Variants in TBC1D8 observed in about 807,000 individuals in gnomAD.
The protein encoded by TBC1D8 is TBC1 domain family member 8.
A neutral mutation model predicts 118.8 loss-of-function variants in TBC1D8; 65 were observed. The ratio of observed to expected loss-of-function variants is 0.55; its 90% CI spans 0.45 to 0.67. The LOEUF is 0.67. Ranked by LOEUF, TBC1D8 falls within the 30% of genes least tolerant of loss-of-function variation. The pLI, the probability that TBC1D8 is intolerant of heterozygous loss-of-function variation, is 0.00. For missense variants in TBC1D8, 1,376 were observed against 1,471.2 expected (o/e 0.94, Z 1.06); for synonymous variants, 566 against 595.8 (o/e 0.95, Z 0.73).
chr2:101,065,217 T>C (rs1057220987), intron 2 of TBC1D8, among the ~76,000 whole-genome samples: 32 of 152,232 alleles, frequency 2.1e-4, no homozygotes, highest in African/African-American at 7.2e-4. Context: ...TCCAGCCACC[T>C]AAGTCCTAAT....
At chr2:101,113,446 C>A (rs1677692019) in intron 1 of TBC1D8, among the ~76,000 whole-genome samples, 1 of 152,042 alleles carries the variant, frequency 6.6e-6, no homozygotes, top group Admixed American at 6.6e-5. Context: ...ACTAAGATTT[C>A]TTGTTTCATG....
intron 17 of TBC1D8, among the ~76,000 whole-genome samples, chr2:101,015,103 TATA>T: frequency 6.6e-6 from 1 of 152,342 alleles, no homozygotes; most frequent in South Asian, 2.1e-4. Context: ...ACACCTCGCC[TATA>T]AAGTCTGTTG....
At chr2:101,037,184 A>C (rs1159106703) in intron 8 of TBC1D8, among the ~76,000 whole-genome samples, 1 of 151,390 alleles carries the variant, frequency 6.6e-6, no homozygotes, top group African/African-American at 2.4e-5. Flanking sequence ...CCCAGAAGAC[A>C]AAAAAAAAGG....
At position 101,021,763 on chromosome 2, in the gene TBC1D8, AAG is replaced by A. The variant is rs1264053969; in HGVS notation, c.2762-19_2762-18del. On this transcript the variant is annotated intron_variant, in intron 16 of 19. Coordinates refer to ENST00000409318, the MANE Select transcript of TBC1D8 (RefSeq NM_001330348.2). ...ACATAATATCTGCAAAAAGTTTAAA[AAG>A]AGTGAGTTGATGCCAATGCTGAAAG... 2 of 1,479,308 alleles carry A rather than the reference AAG, an allele frequency of 1.4e-6. No individual in the cohort carries two copies. Among genetic ancestry groups the A allele is most frequent in the Non-Finnish European group, 1.9e-6 (2 of 1,075,552 alleles). 91.6% of individuals were successfully genotyped at this position (1,479,308 alleles called of 1,614,324 possible).
At chr2:101,106,602 C>A (rs1677233312) in intron 1 of TBC1D8, among the ~76,000 whole-genome samples, 1 of 152,240 alleles carries the variant, frequency 6.6e-6, no homozygotes, top group Non-Finnish European at 1.5e-5. Flanking sequence ...TACACATGCA[C>A]AGATGGTCCT....
chr2:101,069,468 C>A (rs901752488), intron 2 of TBC1D8, among the ~76,000 whole-genome samples: 9 of 152,172 alleles, frequency 5.9e-5, no homozygotes, highest in Middle Eastern at 3.4e-3. Flanking sequence ...TGCCTGTAAT[C>A]CCAGCTACTC....
At chr2:101,075,390 C>A (rs75451150) in intron 2 of TBC1D8, among the ~76,000 whole-genome samples, 267 of 133,214 alleles carry the variant, frequency 2.0e-3, no homozygotes, top group Middle Eastern at 7.9e-3. Context: ...GACTCCATCT[C>A]AAAAAAAAAA....
At chr2:101,101,803 T>C (rs1219749997) in intron 1 of TBC1D8, among the ~76,000 whole-genome samples, 1 of 151,700 alleles carries the variant, frequency 6.6e-6, no homozygotes, top group African/African-American at 2.4e-5. Context: ...GAACAGAAAA[T>C]CAAACACCTC....
chr2:101,019,166 CCAGGCCTGTTCTA>C, intron 17 of TBC1D8: 1 of 1,329,002 alleles, frequency 7.5e-7, no homozygotes, highest in Non-Finnish European at 1.0e-6. Context: ...TGGCAGAGGG[CCAGGCCTGTTCTA>C]CACGGCCGGG....
intron 2 of TBC1D8, among the ~76,000 whole-genome samples, chr2:101,068,814 C>A (rs1032960882): frequency 1.3e-5 from 2 of 151,778 alleles, no homozygotes; most frequent in African/African-American, 4.8e-5. Flanking sequence ...GCCTGGCCAA[C>A]ATGGTGAAAC....
intron 2 of TBC1D8, among the ~76,000 whole-genome samples, chr2:101,065,264 A>T (rs1401384705): frequency 6.6e-6 from 1 of 152,234 alleles, no homozygotes; most frequent in East Asian, 1.9e-4. Context: ...TATAGTTCAG[A>T]TCTGTTCCTC....
At chr2:101,075,734 C>A (rs1188863898) in intron 2 of TBC1D8, among the ~76,000 whole-genome samples, 5 of 152,156 alleles carry the variant, frequency 3.3e-5, no homozygotes, top group African/African-American at 4.8e-5. Context: ...GTCAATTAAA[C>A]CTCTTTCCTT....
intron 2 of TBC1D8, among the ~76,000 whole-genome samples, chr2:101,076,241 G>T (rs1329083614): frequency 6.6e-6 from 1 of 152,126 alleles, no homozygotes; most frequent in Non-Finnish European, 1.5e-5. Context: ...TAAAAGGAAT[G>T]ATCAAATTAG....
intron 2 of TBC1D8, among the ~76,000 whole-genome samples, chr2:101,077,086 T>G (rs1674883876): frequency 6.6e-6 from 1 of 152,146 alleles, no homozygotes; most frequent in Admixed American, 6.6e-5. Context: ...TGCAGTGGCA[T>G]GATCTTGGCT....
chr2:101,091,472 T>A (rs1676028391), intron 1 of TBC1D8, among the ~76,000 whole-genome samples: 1 of 152,060 alleles, frequency 6.6e-6, no homozygotes, highest in Admixed American at 6.5e-5. Context: ...ATGCCTGTAA[T>A]CCCAGCACTT....
At chr2:101,013,884 T>C (rs910973405) in intron 17 of TBC1D8, among the ~76,000 whole-genome samples, 1 of 152,230 alleles carries the variant, frequency 6.6e-6, no homozygotes, top group Non-Finnish European at 1.5e-5. Context: ...AAAAGCAGTA[T>C]AGGGCCTTCC....
chr2:101,054,484 T>C, intron 3 of TBC1D8, 148 bp from the exon 4 acceptor site: 1 of 762,772 alleles, frequency 1.3e-6, no homozygotes, highest in Non-Finnish European at 2.1e-6. Flanking sequence ...ACGAGGAGAA[T>C]GGCTCAGCCG....
intron 2 of TBC1D8, among the ~76,000 whole-genome samples, chr2:101,077,493 C>T (rs190162636): frequency 1.3e-5 from 2 of 152,302 alleles, no homozygotes; most frequent in African/African-American, 2.4e-5. Context: ...GTGATCCACC[C>T]GCCTCGGCCT....
chr2:101,144,495 C>G (rs1373397618), intron 1 of TBC1D8, among the ~76,000 whole-genome samples: 1 of 152,144 alleles, frequency 6.6e-6, no homozygotes, highest in Non-Finnish European at 1.5e-5. Flanking sequence ...AGAGGCAACC[C>G]AAGAGGTGGT....
Sources: allele counts gnomAD v4.1 joint callset (sites outside exome capture counted in the v4.1 genomes callset), GRCh38; gene constraint gnomAD v4.1.1; transcripts MANE v1.5; gene names NCBI Gene and HGNC (gene_info 2026-07-23, HGNC 2026-07-21).